The following PML variants were observed in gnomAD, a reference collection of about 807,000 sequenced individuals.
The protein encoded by PML is PML nuclear body scaffold.
PML carries 28 observed loss-of-function variants against 65.2 expected under a neutral mutation model. The ratio of observed to expected loss-of-function variants is 0.43; its 90% confidence interval spans 0.32 to 0.59. PML has a LOEUF of 0.59. Among genes scored for constraint, PML ranks in the 20% least tolerant of loss-of-function variants. PML has a pLI of 0.08. For missense variants in PML, 1,021 were observed against 1,203.4 expected (o/e 0.85, Z 2.24); for synonymous variants, 500 against 508.8 (o/e 0.98, Z 0.23).
At chr15:74,034,854 G>A in intron 7 of PML, 1 of 1,438,228 alleles carries the variant, frequency 7.0e-7, no homozygotes, top group Non-Finnish European at 9.1e-7. Flanking sequence ...TCCTCAGTGA[G>A]GAGGGCTGGA....
chr15:74,018,913 A>G (rs1225991356), intron 2 of PML, among the ~76,000 whole-genome samples: 1 of 152,180 alleles, frequency 6.6e-6, no homozygotes, highest in Non-Finnish European at 1.5e-5. Flanking sequence ...GCAGTTTCCC[A>G]CTTCACCTCT....
rs959868994 is a variant in PML at position 74,046,302 on chromosome 15, C to T, written c.*1294C>T. 6.4e-5 allele frequency: 15 copies of T among 233,102 alleles called. No homozygotes were observed. Among genetic ancestry groups the T allele is most frequent in the Non-Finnish European group, 1.2e-4 (14 of 118,024 alleles). The allele number at this position is 233,102 out of a possible 1,614,324, so 14.4% of individuals were successfully genotyped here. ...AGAACAGAGGCAGGTCAGGGTTGTC[C>T]GCTCTGATTAGCAGAACGACAGCCC... On this transcript the variant is annotated 3_prime_UTR_variant, in exon 9 of 9. Transcript: ENST00000268058.
intron 2 of PML, among the ~76,000 whole-genome samples, chr15:74,010,676 G>A (rs1369874112): frequency 1.3e-5 from 2 of 152,106 alleles, no homozygotes; most frequent in Non-Finnish European, 2.9e-5. Context: ...GATAGCTATT[G>A]CCAGATGAAA....
Position 74,042,887 on chromosome 15 carries a change from T to C in PML, c.1711-102T>C, listed in dbSNP as rs1362526756. On this transcript the variant is annotated intron_variant, in intron 7 of 8. Coordinates refer to ENST00000268058, the MANE Select transcript of PML (RefSeq NM_033238.3). The surrounding 1 kb of genome is among the most constrained non-coding windows in gnomAD (Gnocchi z 5.3). ...TTTCCCAGTGGTACACCCTCCTTCA[T>C]GTGCACGCAGATGCTCCCAGCTATA... 1 of 1,602,396 alleles carries C rather than the reference T, an allele frequency of 6.2e-7. No individual in the cohort carries two copies. The highest frequency in any genetic ancestry group is 1.3e-5 in the African/African-American group (1 of 74,652).
intron 1 of PML, among the ~76,000 whole-genome samples, chr15:73,995,724 T>C (rs2069454832): frequency 1.3e-5 from 2 of 152,008 alleles, no homozygotes; most frequent in South Asian, 4.2e-4. Flanking sequence ...TTGTTGTTGT[T>C]TGTTTGTTTT....
intron 2 of PML, among the ~76,000 whole-genome samples, chr15:74,006,851 A>T (rs1162662144): frequency 6.6e-6 from 1 of 152,140 alleles, no homozygotes; most frequent in Non-Finnish European, 1.5e-5. Context: ...AGAGAGAAGG[A>T]GGAAGCAAGA....
intron 7 of PML, among the ~76,000 whole-genome samples, chr15:74,038,500 T>C (rs2071623225): frequency 1.3e-5 from 2 of 152,078 alleles, no homozygotes; most frequent in African/African-American, 4.8e-5. Context: ...GTTTTAAAAA[T>C]TGTTATAGGA....
chr15:74,035,437 TG>T lies in PML; in HGVS notation c.1710+908del, dbSNP rs773299181. 50 of 1,612,254 alleles carry T rather than the reference TG, an allele frequency of 3.1e-5. No homozygotes were observed. Among genetic ancestry groups the T allele is most frequent in the Non-Finnish European group, 4.1e-5 (48 of 1,179,996 alleles). On this transcript the variant is annotated intron_variant, in intron 7 of 8. Coordinates refer to ENST00000268058, the MANE Select transcript of PML (RefSeq NM_033238.3). This position sits in a 1 kb window ranked among gnomAD's most constrained non-coding sequence, Gnocchi z 4.1. ...GTCCACCGTGGGATCCGCTACCTGT[TG>T]TACAGAGCACAGAGAGCCATCCGCC...
intron 2 of PML, among the ~76,000 whole-genome samples, chr15:74,018,554 G>T (rs1197559244): frequency 6.6e-6 from 1 of 151,868 alleles, no homozygotes; most frequent in Admixed American, 6.6e-5. Flanking sequence ...TTGCTGAGTT[G>T]CCCAGGCTGG....
intron 4 of PML, 65 bp from the exon 5 acceptor site, chr15:74,032,507 T>C: frequency 6.3e-7 from 1 of 1,586,934 alleles, no homozygotes; most frequent in South Asian, 1.1e-5. Flanking sequence ...CAACCACAGG[T>C]CTGGGGTACC....
intron 4 of PML, 45 bp downstream of exon 4, chr15:74,024,972 A>T: frequency 7.5e-7 from 1 of 1,333,722 alleles, no homozygotes; most frequent in Non-Finnish European, 1.1e-6. Flanking sequence ...GGGGCCCAGC[A>T]GGTCAGGCAG....
Position 74,037,748 on chromosome 15 carries a change from C to T in PML, c.1710+3218C>T. On this transcript the variant is annotated intron_variant, in intron 7 of 8. Coordinates refer to ENST00000268058, the MANE Select transcript of PML (RefSeq NM_033238.3). This position sits in a 1 kb window ranked among gnomAD's most constrained non-coding sequence, Gnocchi z 4.2. ...TCTGGGCACTCCTCCCTCTCCTCTG[C>T]AGGCTCTGTTTTTTCTTGGTTGTGG... The T allele has an allele frequency of 1.0e-6, 1 of 981,634 alleles. No homozygotes were observed. The highest frequency in any genetic ancestry group is 1.2e-6 in the Non-Finnish European group (1 of 826,462). The allele number at this position is 981,634 out of a possible 1,614,324, so 60.8% of individuals were successfully genotyped here.
chr15:73,994,919 GC>G lies in PML; in HGVS notation c.111del (p.Ser38AlafsTer60). 6.5e-7 allele frequency: 1 copy of G among 1,530,462 alleles called. No homozygotes were observed. The highest frequency in any genetic ancestry group is 8.8e-7 in the Non-Finnish European group (1 of 1,135,790). The allele number at this position is 1,530,462 out of a possible 1,614,324, so 94.8% of individuals were successfully genotyped here. ...ACCCCCTCTGAAGGCCGCCAGCCCAGCCCCAGCCCCAGCCCTACAGAGGTAC... is the reference window on the plus strand; with the variant it reads ...ACCCCCTCTGAAGGCCGCCAGCCCAGCCCAGCCCCAGCCCTACAGAGGTAC... ...PETPSEGRQP[S>X]PSPSPTERAP... is the part of the protein sequence containing the mutation. On this transcript the variant is annotated frameshift_variant, in exon 1 of 9. Coordinates refer to ENST00000268058, the MANE Select transcript of PML (RefSeq NM_033238.3). LOFTEE classifies it high-confidence loss of function.
At chr15:74,017,022 C>T (rs2070621025) in intron 2 of PML, among the ~76,000 whole-genome samples, 1 of 151,662 alleles carries the variant, frequency 6.6e-6, no homozygotes, top group Admixed American at 6.6e-5. Flanking sequence ...TGGTCTCGAT[C>T]TCCTGACCTC....
chr15:74,035,815 ACT>A lies in PML; in HGVS notation c.1710+1288_1710+1289del. ...CTTGGAGCAGGTGTTCCCCCTGGGG[ACT>A]CTGTCAGAGGCTCCATGGAGGCCTC... is the stretch of plus-strand genomic sequence containing the variant. On this transcript the variant is annotated intron_variant, in intron 7 of 8. Transcript: ENST00000268058. This position sits in a 1 kb window ranked among gnomAD's most constrained non-coding sequence, Gnocchi z 4.1. 6.2e-7 allele frequency: 1 copy of A among 1,613,594 alleles called. No homozygotes were observed. The highest frequency in any genetic ancestry group is 8.5e-7 in the Non-Finnish European group (1 of 1,179,908).
At chr15:74,040,331 C>T (rs1006138409) in intron 7 of PML, among the ~76,000 whole-genome samples, 1 of 152,216 alleles carries the variant, frequency 6.6e-6, no homozygotes, top group Non-Finnish European at 1.5e-5. Context: ...TCCTCACACG[C>T]AGGCTCAAGG....
chr15:73,994,826 C>T lies in PML; in HGVS notation c.14C>T (p.Pro5Leu). 1.3e-6 allele frequency: 2 copies of T among 1,557,122 alleles called. No homozygotes were observed. Among genetic ancestry groups the T allele is most frequent in the Middle Eastern group, 1.7e-4 (1 of 5,924 alleles). MEPAPARSPRPQQDP... is the reference protein window; with the variant it reads MEPALARSPRPQQDP... ...AAGCTGGGGTCCATGGAGCCTGCAC[C>T]CGCCCGATCTCCGAGGCCCCAGCAG... The change falls in exon 1 of 9, where the codon CCC becomes CTC. Residue 5 changes from proline to leucine, a missense_variant. Physicochemically the swap from Pro to Leu is moderately conservative, Grantham distance 98. Coordinates refer to ENST00000268058, the MANE Select transcript of PML (RefSeq NM_033238.3).
At chr15:74,040,353 ATCT>A (rs1052659488) in intron 7 of PML, among the ~76,000 whole-genome samples, 9 of 151,894 alleles carry the variant, frequency 5.9e-5, no homozygotes, top group African/African-American at 2.2e-4. Context: ...TCTGTTTCCC[ATCT>A]TCTTTCTTCT....
chr15:74,033,027 G>A lies in PML; in HGVS notation c.1399-129G>A, dbSNP rs146779992. ...CTGTCTGAAGAGAGACGTAATCTGC[G>A]TGGTTGAGAGCAGAGGAGAGGGGAC... On this transcript the variant is annotated intron_variant, in intron 5 of 8. Coordinates refer to ENST00000268058, the MANE Select transcript of PML (RefSeq NM_033238.3). The A allele has an allele frequency of 5.8e-3, 5,583 of 957,038 alleles. 34 individuals are homozygous for A. Among genetic ancestry groups the A allele is most frequent in the Non-Finnish European group, 5.9e-3 (3,559 of 601,982 alleles). The allele number at this position is 957,038 out of a possible 1,614,324, so 59.3% of individuals were successfully genotyped here. A position where few individuals can be genotyped will look rare whatever the true frequency, so the allele number is the denominator to read the frequency against.
Sources: allele counts gnomAD v4.1 joint callset (sites outside exome capture counted in the v4.1 genomes callset), GRCh38; gene constraint gnomAD v4.1.1; non-coding constraint Gnocchi (gnomAD v3.1); transcripts MANE v1.5; gene names NCBI Gene and HGNC (gene_info 2026-07-23, HGNC 2026-07-21).